Variants in MED27 observed in about 807,000 individuals in gnomAD.
The protein encoded by MED27 is mediator complex subunit 27.
In MED27, 30 loss-of-function variants were observed where a neutral mutation model predicts 38.2. The ratio of observed to expected loss-of-function variants is 0.79; its 90% confidence interval spans 0.59 to 1.07. The LOEUF (loss-of-function observed/expected upper bound fraction) is 1.07. Ranked by LOEUF, MED27 falls within the 50% of genes least tolerant of loss-of-function variation. The pLI, the probability that MED27 is intolerant of heterozygous loss-of-function variation, is 0.00. For missense variants in MED27, 289 were observed against 397.5 expected (o/e 0.73, Z 2.32); for synonymous variants, 122 against 153.5 (o/e 0.79, Z 1.52).
chr9:132,035,227 T>G (rs1833048550), intron 2 of MED27, among the ~76,000 whole-genome samples: 1 of 152,220 alleles, frequency 6.6e-6, no homozygotes, highest in Non-Finnish European at 1.5e-5. Context: ...ACCTGCAGGT[T>G]GAATTACAAA....
At chr9:131,957,411 T>C (rs750112217) in intron 3 of MED27, among the ~76,000 whole-genome samples, 10 of 152,084 alleles carry the variant, frequency 6.6e-5, no homozygotes, top group Non-Finnish European at 1.3e-4. Flanking sequence ...TGTGCCACCA[T>C]GTCCAACTAA....
At chr9:131,968,201 G>A (rs902660879) in intron 3 of MED27, among the ~76,000 whole-genome samples, 5 of 152,062 alleles carry the variant, frequency 3.3e-5, no homozygotes, top group South Asian at 2.1e-4. Context: ...GACCAGGCAC[G>A]GTGGCGCATG....
At chr9:131,956,589 T>C (rs2130991992) in intron 3 of MED27, among the ~76,000 whole-genome samples, 1 of 146,658 alleles carries the variant, frequency 6.8e-6, no homozygotes, top group African/African-American at 2.5e-5. Flanking sequence ...GCACTCCAGC[T>C]GGGTGACAGA....
intron 2 of MED27, among the ~76,000 whole-genome samples, chr9:132,022,959 T>C (rs1349359269): frequency 6.6e-6 from 1 of 152,084 alleles, no homozygotes; most frequent in Non-Finnish European, 1.5e-5. Context: ...GGGATTACAA[T>C]TAGAGATGAG....
At chr9:131,930,191 T>C (rs1830559936) in intron 4 of MED27, among the ~76,000 whole-genome samples, 1 of 152,232 alleles carries the variant, frequency 6.6e-6, no homozygotes, top group South Asian at 2.1e-4. Flanking sequence ...CAAAGTTTAT[T>C]CCAAGGGGTA....
chr9:131,969,976 T>C (rs946282380), intron 3 of MED27, among the ~76,000 whole-genome samples: 1 of 147,186 alleles, frequency 6.8e-6, no homozygotes, highest in Admixed American at 6.7e-5. Flanking sequence ...TGGGGGGGGG[T>C]GGGGGCATAG....
Position 131,955,781 on chromosome 9 carries a change from C to T in MED27, c.480-16307G>A, listed in dbSNP as rs756427515. The stretch of plus-strand genomic sequence containing the variant: ...AAGAAAACTCCAGACCCACACAGAT[C>T]CCTCAGTTAAATCTATCAACTATCT... On this transcript the variant is annotated intron_variant, in intron 3 of 7. Transcript: ENST00000292035. 9.9e-5 allele frequency among the ~76,000 whole-genome samples: 15 copies of T among 152,274 alleles called. 1 individual carries two copies. The highest frequency in any genetic ancestry group is 3.4e-3 in the Middle Eastern group (1 of 292).
rs772394036 is a variant in MED27 at position 131,890,830 on chromosome 9, T to A, written c.681+3055A>T. Among the ~76,000 whole-genome samples the A allele has an allele frequency of 5.3e-5, 8 of 152,240 alleles. No homozygotes were observed. The South Asian group carries it at 8.3e-4, about 16-fold the overall frequency. On this transcript the variant is annotated intron_variant, in intron 5 of 7. Transcript: ENST00000292035. ...GTAAGATGAGTCTAAGAGCAGCACC[T>A]GTCTCATGATGCTGTGAGGAGGATT...
At chr9:132,007,733 T>C (rs867223335) in intron 3 of MED27, among the ~76,000 whole-genome samples, 15 of 151,878 alleles carry the variant, frequency 9.9e-5, no homozygotes, top group Admixed American at 2.6e-4. Context: ...ATAATTATGG[T>C]GTAGGACGGA....
At chr9:131,874,536 C>T (rs921645302) in intron 6 of MED27, among the ~76,000 whole-genome samples, 12 of 151,930 alleles carry the variant, frequency 7.9e-5, no homozygotes, top group Non-Finnish European at 1.5e-4. Flanking sequence ...GAAAGGGGAG[C>T]GGAGTGAGAG....
intron 5 of MED27, among the ~76,000 whole-genome samples, chr9:131,884,426 C>T (rs910953957): frequency 1.3e-5 from 2 of 152,176 alleles, no homozygotes; most frequent in African/African-American, 4.8e-5. Flanking sequence ...ATGCCAAGGT[C>T]AATGCTGCCT....
chr9:132,020,765 T>C (rs1832699767), intron 2 of MED27, among the ~76,000 whole-genome samples: 1 of 152,196 alleles, frequency 6.6e-6, no homozygotes, highest in African/African-American at 2.4e-5. Context: ...AATCTAATTG[T>C]TTTGCTTGGG....
chr9:132,039,966 A>G (rs1833171836), intron 2 of MED27, among the ~76,000 whole-genome samples: 1 of 152,178 alleles, frequency 6.6e-6, no homozygotes, highest in African/African-American at 2.4e-5. Flanking sequence ...GTTTCATAAG[A>G]CCATAGAAGG....
At chr9:131,908,434 A>AG (rs1830120600) in intron 4 of MED27, among the ~76,000 whole-genome samples, 2 of 152,246 alleles carry the variant, frequency 1.3e-5, no homozygotes, top group South Asian at 4.1e-4. Flanking sequence ...TGGAATAGAA[A>AG]GCGGGGAAAG....
rs538269698 is a variant in MED27 at position 131,938,597 on chromosome 9, C to T, written c.573+784G>A. 2.1e-3 allele frequency among the ~76,000 whole-genome samples: 327 copies of T among 152,244 alleles called. 3 individuals carry two copies. Among genetic ancestry groups the T allele is most frequent in the African/African-American group, 7.3e-3 (303 of 41,532 alleles). On this transcript the variant is annotated intron_variant, in intron 4 of 7. Transcript: ENST00000292035. The stretch of plus-strand genomic sequence containing the variant: ...AAACATCTTCTAGGAGATTATGAGG[C>T]GATGTGTTCAGAGCAAACCATAATC...
intron 3 of MED27, among the ~76,000 whole-genome samples, chr9:131,944,831 T>C (rs1291342201): frequency 6.6e-6 from 1 of 151,866 alleles, no homozygotes; most frequent in African/African-American, 2.4e-5. Context: ...CACGCCCGGC[T>C]GTTTGTTAGT....
At chr9:131,926,429 A>G (rs957413080) in intron 4 of MED27, among the ~76,000 whole-genome samples, 1 of 152,218 alleles carries the variant, frequency 6.6e-6, no homozygotes, top group Non-Finnish European at 1.5e-5. Context: ...GAGATGCCCA[A>G]GAAACACAGC....
chr9:131,864,492 G>GA (rs1838703844), intron 6 of MED27, among the ~76,000 whole-genome samples: 1 of 152,050 alleles, frequency 6.6e-6, no homozygotes, highest in South Asian at 2.1e-4. Context: ...AAAACAAAAT[G>GA]AAAAAACCAC....
rs1422430040 is a variant in MED27 at position 131,883,274 on chromosome 9, AT to A, written c.723+783del. 6.6e-6 allele frequency among the ~76,000 whole-genome samples: 1 copy of A among 152,228 alleles called. No individual in the cohort carries two copies. Among genetic ancestry groups the A allele is most frequent in the East Asian group, 1.9e-4 (1 of 5,176 alleles). The stretch of plus-strand genomic sequence containing the variant: ...GGATGAGACCAGAGACAGAAGATGG[AT>A]GAGAACAGAAGAAGCCGGCTGCTGC... On this transcript the variant is annotated intron_variant, in intron 6 of 7. Transcript: ENST00000292035. The surrounding 1 kb of genome is among the most constrained non-coding windows in gnomAD (Gnocchi z 4.2).
Sources: allele counts gnomAD v4.1 joint callset (sites outside exome capture counted in the v4.1 genomes callset), GRCh38; gene constraint gnomAD v4.1.1; non-coding constraint Gnocchi (gnomAD v3.1); transcripts MANE v1.5; gene names NCBI Gene and HGNC (gene_info 2026-07-23, HGNC 2026-07-21).